The following SYN3 variants were observed in gnomAD, a reference collection of about 807,000 sequenced individuals.
SYN3 encodes the protein synapsin-3.
Under a neutral mutation model 65.8 loss-of-function variants are expected in SYN3, and 35 were observed. That is an observed-to-expected ratio of 0.53 (90% CI 0.41 to 0.70). The LOEUF is 0.70. SYN3 is among the 30% of genes least tolerant of loss of function. SYN3 has a pLI of 0.00. For synonymous variants in SYN3, 270 were observed against 292.9 expected (o/e 0.92, Z 0.80); for missense variants, 680 against 749.0 (o/e 0.91, Z 1.08).
chr22:32,671,820 CAGGTGCACACACATGCTCTCACAA>C, intron 6 of SYN3, among the ~76,000 whole-genome samples: 1 of 151,970 alleles, frequency 6.6e-6, no homozygotes, highest in East Asian at 1.9e-4. Flanking sequence ...CGCTGTGACA[CAGGTGCACACACATGCTCTCACAA>C]AGGTGCACAC....
chr22:32,546,342 A>T (rs2058335520), intron 7 of SYN3, among the ~76,000 whole-genome samples: 1 of 152,242 alleles, frequency 6.6e-6, no homozygotes, highest in Admixed American at 6.5e-5. Flanking sequence ...GGGGGGCAAG[A>T]AACTAGAAGG....
At chr22:32,682,194 G>A (rs955181300) in intron 6 of SYN3, among the ~76,000 whole-genome samples, 3 of 152,138 alleles carry the variant, frequency 2.0e-5, no homozygotes, top group Non-Finnish European at 4.4e-5. Context: ...GGGGTGGGAT[G>A]CTACTGGCCT....
At chr22:33,039,819 G>A (rs1434565743) in intron 1 of SYN3, among the ~76,000 whole-genome samples, 2 of 152,082 alleles carry the variant, frequency 1.3e-5, no homozygotes, top group African/African-American at 4.8e-5. Flanking sequence ...CTTTTGTAGT[G>A]TATTACTTCT....
intron 3 of SYN3, among the ~76,000 whole-genome samples, chr22:32,970,233 C>T (rs1352438313): frequency 6.6e-6 from 1 of 152,152 alleles, no homozygotes; most frequent in Non-Finnish European, 1.5e-5. Context: ...GAAACTGAGG[C>T]ATGGGGCAGT....
chr22:33,009,109 A>C (rs1196806028), intron 1 of SYN3, among the ~76,000 whole-genome samples: 1 of 152,140 alleles, frequency 6.6e-6, no homozygotes, highest in African/African-American at 2.4e-5. Context: ...GGATGGATGG[A>C]TAAATTGAGA....
chr22:32,832,200 C>T (rs1336457111), intron 6 of SYN3, among the ~76,000 whole-genome samples: 4 of 152,206 alleles, frequency 2.6e-5, no homozygotes, highest in Non-Finnish European at 5.9e-5. Context: ...AATGTCTTAA[C>T]TCAAGTTTGA....
At chr22:32,737,506 C>T (rs1255374598) in intron 6 of SYN3, among the ~76,000 whole-genome samples, 1 of 152,048 alleles carries the variant, frequency 6.6e-6, no homozygotes, top group South Asian at 2.1e-4. Flanking sequence ...TGATGTTCCC[C>T]TTCCTGTGTC....
chr22:32,966,366 A>G lies in SYN3; in HGVS notation c.369+14279T>C, dbSNP rs1028589531. 5.3e-5 allele frequency among the ~76,000 whole-genome samples: 8 copies of G among 152,164 alleles called. 1 individual carries two copies. The highest frequency in any genetic ancestry group is 4.1e-4 in the South Asian group (2 of 4,830). On this transcript the variant is annotated intron_variant, in intron 3 of 13. Coordinates refer to ENST00000358763, the MANE Select transcript of SYN3 (RefSeq NM_003490.4). ...CATGGAGATGTGACTCCAAGATGGT[A>G]TTACCATGGGTGGGCACTGGGGAAC...
intron 4 of SYN3, among the ~76,000 whole-genome samples, chr22:32,874,737 C>T (rs1247329630): frequency 6.6e-6 from 1 of 152,218 alleles, no homozygotes; most frequent in African/African-American, 2.4e-5. Context: ...AGACCCATCA[C>T]ACCCAGAGCT....
chr22:32,538,686 A>G (rs1229847619), intron 8 of SYN3, among the ~76,000 whole-genome samples: 1 of 150,962 alleles, frequency 6.6e-6, no homozygotes. Flanking sequence ...TACTCCGTAC[A>G]GTCTTTGTCT....
chr22:32,997,703 A>G (rs545498430), intron 2 of SYN3, among the ~76,000 whole-genome samples: 5 of 152,078 alleles, frequency 3.3e-5, no homozygotes, highest in Non-Finnish European at 5.9e-5. Flanking sequence ...AGCTGGATTG[A>G]GTCAAGGTGA....
At chr22:32,585,569 T>C (rs1265427387) in intron 7 of SYN3, among the ~76,000 whole-genome samples, 2 of 152,118 alleles carry the variant, frequency 1.3e-5, no homozygotes, top group African/African-American at 4.8e-5. Context: ...GACCCAGATT[T>C]CCCAAACCAG....
At chr22:33,012,643 GAGAC>G (rs1386575007) in intron 1 of SYN3, among the ~76,000 whole-genome samples, 1 of 152,238 alleles carries the variant, frequency 6.6e-6, no homozygotes, top group Non-Finnish European at 1.5e-5. Flanking sequence ...TTTGGGCTGA[GAGAC>G]AGACAGAACC....
intron 4 of SYN3, among the ~76,000 whole-genome samples, chr22:32,886,638 T>C (rs948568478): frequency 7.2e-5 from 11 of 152,252 alleles, no homozygotes; most frequent in African/African-American, 2.7e-4. Flanking sequence ...ATAAAAGATA[T>C]ACTTTCATCA....
At chr22:32,931,540 T>C (rs948794149) in intron 3 of SYN3, 59 bp from the exon 4 acceptor site, 9 of 1,166,390 alleles carry the variant, frequency 7.7e-6, no homozygotes, top group Non-Finnish European at 1.2e-5. Context: ...GTAACAACGG[T>C]TAACACATAT....
chr22:32,956,063 A>ATATATATATATATAT (rs1569355322), intron 3 of SYN3, among the ~76,000 whole-genome samples: 3 of 81,066 alleles, frequency 3.7e-5, no homozygotes, highest in East Asian at 4.6e-4. Flanking sequence ...TATATATATA[A>ATATATATATATATAT]AATCTCCTAT....
chr22:32,668,005 A>T (rs1228187901), intron 6 of SYN3, among the ~76,000 whole-genome samples: 7 of 151,478 alleles, frequency 4.6e-5, no homozygotes, highest in African/African-American at 7.3e-5. Flanking sequence ...CCTGTTAGCC[A>T]GGATGGTCTC....
At chr22:32,714,711 C>T (rs1162409928) in intron 6 of SYN3, among the ~76,000 whole-genome samples, 3 of 152,144 alleles carry the variant, frequency 2.0e-5, no homozygotes, top group African/African-American at 2.4e-5. Flanking sequence ...CCCCACTAGA[C>T]ATTATAATCT....
At chr22:32,956,846 G>T (rs1368639191) in intron 3 of SYN3, among the ~76,000 whole-genome samples, 7 of 152,156 alleles carry the variant, frequency 4.6e-5, no homozygotes, top group African/African-American at 1.2e-4. Context: ...ATTTTTGAAG[G>T]AACTGCCATA....
Sources: gnomAD v4.1 joint callset for allele counts (sites outside exome capture counted in the v4.1 genomes callset) on GRCh38, gnomAD v4.1.1 for gene constraint, MANE v1.5 for transcripts, NCBI Gene and HGNC (gene_info 2026-07-23, HGNC 2026-07-21) for gene names.